The following HIVEP2 variants were observed in gnomAD, a reference collection of about 807,000 sequenced individuals.
The protein encoded by HIVEP2 is transcription factor HIVEP2.
HIVEP2 carries 14 observed loss-of-function variants against 180.7 expected under a neutral mutation model. That is an observed-to-expected ratio of 0.08 (90% CI 0.05 to 0.12). HIVEP2 has a LOEUF of 0.12. HIVEP2 is among the 10% of genes least tolerant of loss of function. HIVEP2 has a pLI of 1.00. For missense variants in HIVEP2, 2,579 were observed against 3,008.5 expected (o/e 0.86, Z 3.34); for synonymous variants, 1,184 against 1,136.4 (o/e 1.04, Z -0.84).
At chr6:142,880,391 G>A (rs1306243736) in intron 1 of HIVEP2, among the ~76,000 whole-genome samples, 1 of 152,130 alleles carries the variant, frequency 6.6e-6, no homozygotes, top group Non-Finnish European at 1.5e-5. Flanking sequence ...AGAGGAATTG[G>A]ACCCTCCCAG....
intron 1 of HIVEP2, among the ~76,000 whole-genome samples, chr6:142,902,190 A>G (rs1188153927): frequency 6.6e-6 from 1 of 152,224 alleles, no homozygotes; most frequent in African/African-American, 2.4e-5. Context: ...TAACTTTACA[A>G]TGGAAAAACC....
At chr6:142,880,953 T>C (rs1776562572) in intron 1 of HIVEP2, among the ~76,000 whole-genome samples, 1 of 152,202 alleles carries the variant, frequency 6.6e-6, no homozygotes, top group Admixed American at 6.5e-5. Context: ...ATCTTTAACA[T>C]CTCTAGTACT....
At chr6:142,903,977 C>T (rs1777198942) in intron 1 of HIVEP2, among the ~76,000 whole-genome samples, 1 of 152,108 alleles carries the variant, frequency 6.6e-6, no homozygotes, top group South Asian at 2.1e-4. Flanking sequence ...TCATTTTGCA[C>T]TATATACACA....
At chr6:142,759,507 A>G (rs772373786) in intron 9 of HIVEP2, among the ~76,000 whole-genome samples, 10 of 152,134 alleles carry the variant, frequency 6.6e-5, no homozygotes, top group African/African-American at 9.7e-5. Flanking sequence ...ATCATTAGTT[A>G]AGTTTAGAAA....
intron 1 of HIVEP2, among the ~76,000 whole-genome samples, chr6:142,844,771 A>G (rs778440524): frequency 6.6e-6 from 1 of 152,204 alleles, no homozygotes; most frequent in Non-Finnish European, 1.5e-5. Flanking sequence ...CGTCAATCCA[A>G]TGCACACACA....
intron 1 of HIVEP2, among the ~76,000 whole-genome samples, chr6:142,876,894 C>T (rs932241826): frequency 6.6e-6 from 1 of 151,300 alleles, no homozygotes; most frequent in East Asian, 1.9e-4. Flanking sequence ...ACACAAAATG[C>T]AAACATTAGT....
chr6:142,776,540 G>T lies in HIVEP2; in HGVS notation c.-432-349C>A, dbSNP rs146517420. 2.5e-4 allele frequency among the ~76,000 whole-genome samples: 38 copies of T among 151,102 alleles called. 1 individual carries two copies. In the East Asian group the frequency reaches 6.9e-3, roughly 27 times the overall value. ...TTGAGATACAGGCGTTTTTTGTTTTGTTTTTTTTGAGATAGAGTCTCACTC... is the reference window on the plus strand; with the variant it reads ...TTGAGATACAGGCGTTTTTTGTTTTTTTTTTTTTGAGATAGAGTCTCACTC... On this transcript the variant is annotated intron_variant, in intron 3 of 9. Transcript: ENST00000367603.
At chr6:142,760,752 G>T in intron 8 of HIVEP2, 85 bp from the exon 9 acceptor site, 2 of 1,028,206 alleles carry the variant, frequency 1.9e-6, no homozygotes, top group Non-Finnish European at 2.8e-6. Context: ...CTTTCTAAAC[G>T]CTTTTCCCAA....
rs1430690362 is a variant in HIVEP2 at position 142,753,705 on chromosome 6, T to C, written c.6743A>G (p.His2248Arg). The C allele has an allele frequency of 2.5e-6, 4 of 1,614,106 alleles. No individual in the cohort carries two copies. The highest frequency in any genetic ancestry group is 1.3e-5 in the African/African-American group (1 of 75,018). ...HSMPPALSSL[H>R]PSPTLPLPME... ...TGGCAGGGGCAATGTGGGTGAAGGA[T>C]GTAAACTGGAAAGGGCTGGCGGCAT... The change falls in exon 10 of 10, where the codon CAT becomes CGT. Residue 2248 changes from histidine (H) to arginine (R), a missense_variant. Coordinates refer to ENST00000367603, the MANE Select transcript of HIVEP2 (RefSeq NM_006734.4).
chr6:142,916,879 TGAAA>T (rs1216710056), intron 1 of HIVEP2, among the ~76,000 whole-genome samples: 1 of 152,224 alleles, frequency 6.6e-6, no homozygotes, highest in African/African-American at 2.4e-5. Context: ...CTTTACATAT[TGAAA>T]GAAACTACTG....
chr6:142,793,673 T>TTTTTCTTTCTTTCTTTCTC (rs1776207385), intron 2 of HIVEP2, among the ~76,000 whole-genome samples: 3 of 107,422 alleles, frequency 2.8e-5, no homozygotes, highest in African/African-American at 1.1e-4. Context: ...CTTTCTTTCT[T>TTTTTCTTTCTTTCTTTCTC]TCTCTCTCTC....
chr6:142,851,933 T>G (rs1379975668), intron 1 of HIVEP2, among the ~76,000 whole-genome samples: 1 of 152,242 alleles, frequency 6.6e-6, no homozygotes, highest in East Asian at 1.9e-4. Flanking sequence ...CTTTCACACT[T>G]AGAACGAAGG....
chr6:142,900,813 G>A (rs1033695541), intron 1 of HIVEP2, among the ~76,000 whole-genome samples: 5 of 152,242 alleles, frequency 3.3e-5, no homozygotes, highest in South Asian at 2.1e-4. Context: ...ATAAAAATGC[G>A]TGGGCAAGTC....
At chr6:142,899,676 G>A (rs905966930) in intron 1 of HIVEP2, among the ~76,000 whole-genome samples, 2 of 152,220 alleles carry the variant, frequency 1.3e-5, no homozygotes, top group Admixed American at 6.5e-5. Flanking sequence ...CTCTACGAGA[G>A]TGCAGCTCAA....
intron 1 of HIVEP2, among the ~76,000 whole-genome samples, chr6:142,914,551 A>T (rs1320510890): frequency 6.6e-6 from 1 of 152,210 alleles, no homozygotes; most frequent in Non-Finnish European, 1.5e-5. Context: ...TTTTACTCAT[A>T]AACTGTGTGT....
chr6:142,831,343 G>GCTCTTGT (rs1300398715), intron 2 of HIVEP2, among the ~76,000 whole-genome samples: 2 of 152,178 alleles, frequency 1.3e-5, no homozygotes, highest in Non-Finnish European at 2.9e-5. Context: ...TGAGATGACA[G>GCTCTTGT]CTCTTGTTTG....
chr6:142,818,894 T>C (rs969739965), intron 2 of HIVEP2, among the ~76,000 whole-genome samples: 21 of 151,382 alleles, frequency 1.4e-4, no homozygotes, highest in African/African-American at 3.9e-4. Flanking sequence ...TCCCAACACT[T>C]TGGGCAGCCG....
chr6:142,867,205 C>A (rs1158576356), intron 1 of HIVEP2, among the ~76,000 whole-genome samples: 6 of 152,120 alleles, frequency 3.9e-5, no homozygotes, highest in Non-Finnish European at 8.8e-5. Context: ...TTAGGTATTT[C>A]ATAGTCTTTT....
intron 2 of HIVEP2, among the ~76,000 whole-genome samples, chr6:142,822,585 A>C (rs1402008714): frequency 6.6e-6 from 1 of 152,198 alleles, no homozygotes; most frequent in Non-Finnish European, 1.5e-5. Flanking sequence ...GTTAGAGATT[A>C]ATGAAACAGT....
Sources: allele counts gnomAD v4.1 joint callset (sites outside exome capture counted in the v4.1 genomes callset), GRCh38; gene constraint gnomAD v4.1.1; transcripts MANE v1.5; gene names NCBI Gene and HGNC (gene_info 2026-07-23, HGNC 2026-07-21).